The following ARPC1B variants were observed in gnomAD, a reference collection of about 807,000 sequenced individuals.
The protein encoded by ARPC1B is actin-related protein 2/3 complex subunit 1B.
A neutral mutation model predicts 46.0 loss-of-function variants in ARPC1B; 29 were observed. The observed-to-expected ratio is 0.63, with a 90% CI of 0.47 to 0.86. The LOEUF (loss-of-function observed/expected upper bound fraction) is 0.86. ARPC1B is among the 40% of genes least tolerant of loss of function. ARPC1B has a pLI of 0.00. For missense variants in ARPC1B, 469 were observed against 529.4 expected (o/e 0.89, Z 1.12); for synonymous variants, 201 against 213.9 (o/e 0.94, Z 0.53).
intron 2 of ARPC1B, chr7:99,386,270 A>G: frequency 2.8e-6 from 1 of 359,486 alleles, no homozygotes; most frequent in Non-Finnish European, 5.4e-6. Flanking sequence ...AAAAGAGAGA[A>G]AGAAAGAAAG....
chr7:99,386,370 C>T, intron 2 of ARPC1B: 1 of 526,274 alleles, frequency 1.9e-6, no homozygotes, highest in Admixed American at 2.3e-5. Context: ...GAACTGTGCC[C>T]CAGCTGGGGA....
chr7:99,392,560 T>G, intron 7 of ARPC1B, 111 bp from the exon 8 acceptor site: 2 of 989,098 alleles, frequency 2.0e-6, no homozygotes, highest in Non-Finnish European at 2.9e-6. Flanking sequence ...GTGGCCCGTC[T>G]GTATCCTTGA....
chr7:99,392,469 A>G (rs974455122), intron 7 of ARPC1B, among the ~76,000 whole-genome samples: 33 of 152,146 alleles, frequency 2.2e-4, no homozygotes, highest in African/African-American at 7.7e-4. Flanking sequence ...GGGAGTCCCA[A>G]CGCTGGCCTT....
rs116204707 is a variant in ARPC1B at position 99,388,100 on chromosome 7, C to T, written c.231C>T (p.Tyr77=). 408 of 1,614,166 alleles carry T rather than the reference C, an allele frequency of 2.5e-4. 1 individual carries two copies. The African/African-American group carries it at 4.1e-3, about 16-fold the overall frequency. ...IVTCGTDRNA[Y]VWTLKGRTWK... ...CCTGCGGCACAGACCGCAACGCCTA[C>T]GTGTGGACGCTGAAGGGCCGCACAT... Residue 77 remains tyrosine, a synonymous_variant, in exon 4 of 10, where the codon TAC becomes TAT. Coordinates refer to ENST00000646101, the MANE Select transcript of ARPC1B (RefSeq NM_005720.4).
chr7:99,385,594 G>GT, intron 1 of ARPC1B, 108 bp from the exon 2 acceptor site: 1 of 932,542 alleles, frequency 1.1e-6, no homozygotes, highest in Non-Finnish European at 1.6e-6. Context: ...CTAAACTGAG[G>GT]GGCCTCCCTG....
chr7:99,382,148 G>A (rs1425895687), intron 1 of ARPC1B, among the ~76,000 whole-genome samples: 1 of 152,098 alleles, frequency 6.6e-6, no homozygotes, highest in Non-Finnish European at 1.5e-5. Flanking sequence ...AATGTATACA[G>A]AGCACCTGGC....
Position 99,394,124 on chromosome 7 carries a change from G to C in ARPC1B, c.1080+5G>C, listed in dbSNP as rs1438693480. ...ATGAGTATCTGGGATGTGAAGGTGAGGCTTGCCCCTCCTGGCTTCCCGCCA... is the reference window on the plus strand; with the variant it reads ...ATGAGTATCTGGGATGTGAAGGTGACGCTTGCCCCTCCTGGCTTCCCGCCA... On this transcript the variant is annotated splice_donor_5th_base_variant and intron_variant, in intron 9 of 9. Transcript: ENST00000646101. 6.2e-7 allele frequency: 1 copy of C among 1,612,956 alleles called. No individual in the cohort carries two copies. Among genetic ancestry groups the C allele is most frequent in the Admixed American group, 1.7e-5 (1 of 60,002 alleles).
chr7:99,388,401 A>C, intron 4 of ARPC1B, 140 bp downstream of exon 4: 1 of 808,100 alleles, frequency 1.2e-6, no homozygotes, highest in Non-Finnish European at 2.0e-6. Flanking sequence ...TCTGGGCCTC[A>C]TTCATGAGGC....
intron 3 of ARPC1B, among the ~76,000 whole-genome samples, chr7:99,387,343 A>G (rs1027862519): frequency 8.5e-5 from 13 of 152,326 alleles, no homozygotes; most frequent in African/African-American, 3.1e-4. Context: ...CTGAGGCAGA[A>G]GAATCGCTTG....
Position 99,394,118 on chromosome 7 carries a change from A to G in ARPC1B, c.1079A>G (p.Lys360Arg), listed in dbSNP as rs762754496. The change falls in exon 9 of 10, where the codon AAG becomes AGG. Residue 360 changes from lysine (K) to arginine (R), a missense_variant and splice_region_variant. Physicochemically the swap from Lys to Arg is conservative, Grantham distance 26. Transcript: ENST00000646101. Reference protein sequence around the residue: ...MDGGMSIWDVKSLESALKDLK... With the variant: ...MDGGMSIWDVRSLESALKDLK... ...GGCGGCATGAGTATCTGGGATGTGAAGGTGAGGCTTGCCCCTCCTGGCTTC... is the reference window on the plus strand; with the variant it reads ...GGCGGCATGAGTATCTGGGATGTGAGGGTGAGGCTTGCCCCTCCTGGCTTC... 1 of 1,613,360 alleles carries G rather than the reference A, an allele frequency of 6.2e-7. No individual in the cohort carries two copies. The highest frequency in any genetic ancestry group is 2.2e-5 in the East Asian group (1 of 44,886).
intron 4 of ARPC1B, chr7:99,389,509 T>A (rs375823848): frequency 2.8e-5 from 5 of 177,644 alleles, no homozygotes; most frequent in African/African-American, 9.5e-5. Flanking sequence ...GTGTGAGCCA[T>A]GATTGCCAGT....
Position 99,394,113 on chromosome 7 carries a change from T to A in ARPC1B, c.1074T>A (p.Asp358Glu), listed in dbSNP as rs1165182045. The change falls in exon 9 of 10, where the codon GAT becomes GAA. Residue 358 changes from aspartate to glutamate, a missense_variant. By Grantham distance (45) the Asp-to-Glu change is conservative. Transcript: ENST00000646101. ...TGMDGGMSIW[D>E]VKSLESALKD... The stretch of plus-strand genomic sequence containing the variant: ...TGGATGGCGGCATGAGTATCTGGGA[T>A]GTGAAGGTGAGGCTTGCCCCTCCTG... The A allele has an allele frequency of 9.3e-6, 15 of 1,613,396 alleles. No homozygotes were observed. Among genetic ancestry groups the A allele is most frequent in the Non-Finnish European group, 1.3e-5 (15 of 1,180,018 alleles).
At chr7:99,389,851 A>G in intron 4 of ARPC1B, 54 bp from the exon 5 acceptor site, 2 of 1,477,764 alleles carry the variant, frequency 1.4e-6, no homozygotes, top group Middle Eastern at 2.0e-4. Flanking sequence ...GCTGAGGTCC[A>G]TGAGTCCCAC....
intron 7 of ARPC1B, among the ~76,000 whole-genome samples, chr7:99,391,483 A>T (rs1274195229): frequency 6.6e-6 from 1 of 152,190 alleles, no homozygotes; most frequent in Non-Finnish European, 1.5e-5. Flanking sequence ...GGTGGCTCAC[A>T]CTTAAAATCC....
intron 1 of ARPC1B, among the ~76,000 whole-genome samples, chr7:99,382,032 A>AG (rs1191217000): frequency 6.6e-6 from 1 of 152,214 alleles, no homozygotes; most frequent in Non-Finnish European, 1.5e-5. Context: ...AGGTGGCCTC[A>AG]GCCCCCACAT....
intron 1 of ARPC1B, among the ~76,000 whole-genome samples, chr7:99,375,651 G>A (rs1794014864): frequency 6.6e-6 from 1 of 152,202 alleles, no homozygotes; most frequent in Non-Finnish European, 1.5e-5. Context: ...GGCCGGGCGC[G>A]GTGGCTCACA....
Position 99,392,770 on chromosome 7 carries a change from G to C in ARPC1B, c.883G>C (p.Gly295Arg). 1 of 1,549,840 alleles carries C rather than the reference G, an allele frequency of 6.5e-7. No homozygotes were observed. Among genetic ancestry groups the C allele is most frequent in the Non-Finnish European group, 8.7e-7 (1 of 1,146,678 alleles). Residue 295 changes from glycine to arginine, a missense_variant, in exon 8 of 10, where the codon GGC becomes CGC. Gly to Arg is a moderately radical substitution (Grantham distance 125). Transcript: ENST00000646101. ...LDVPKQSSQR[G>R]LTARERFQNL... ...CGTTCCTAAGCAGAGCTCGCAGCGT[G>C]GCTTGACGGCCCGCGAGCGCTTCCA...
chr7:99,382,924 G>A (rs988951304), intron 1 of ARPC1B, among the ~76,000 whole-genome samples: 22 of 141,286 alleles, frequency 1.6e-4, no homozygotes, highest in Non-Finnish European at 2.4e-4. Context: ...GGCTCACTGC[G>A]ACCTCTGCCT....
At chr7:99,379,002 C>T (rs542358006) in intron 1 of ARPC1B, among the ~76,000 whole-genome samples, 19 of 152,018 alleles carry the variant, frequency 1.2e-4, no homozygotes, top group Non-Finnish European at 2.6e-4. Context: ...TGGTCTCGAT[C>T]TCCTGACCTC....
Sources: allele counts gnomAD v4.1 joint callset (sites outside exome capture counted in the v4.1 genomes callset), GRCh38; gene constraint gnomAD v4.1.1; transcripts MANE v1.5; gene names NCBI Gene and HGNC (gene_info 2026-07-23, HGNC 2026-07-21).